The following RTN4 variants were observed in gnomAD, a reference collection of about 807,000 sequenced individuals.
The protein encoded by RTN4 is reticulon 4.
A neutral mutation model predicts 90.4 loss-of-function variants in RTN4; 32 were observed. The ratio of observed to expected loss-of-function variants is 0.35; its 90% CI spans 0.27 to 0.48. The LOEUF (loss-of-function observed/expected upper bound fraction) is 0.48, where lower values mean the gene tolerates loss of function less well. Ranked by LOEUF, RTN4 falls within the 20% of genes least tolerant of loss-of-function variation. RTN4 has a pLI of 0.99. For synonymous variants in RTN4, 629 were observed against 552.5 expected, an observed-to-expected ratio of 1.14 and a Z score of -1.94; for missense variants, 1,706 against 1,430.2, an observed-to-expected ratio of 1.19 and a Z score of -3.11.
intron 1 of RTN4, among the ~76,000 whole-genome samples, chr2:55,102,745 T>C (rs1392964312): frequency 6.6e-6 from 1 of 152,150 alleles, no homozygotes; most frequent in Non-Finnish European, 1.5e-5. Flanking sequence ...CAAAACTCTA[T>C]AGATTTTCTA....
Position 55,050,353 on chromosome 2 carries a change from G to A in RTN4, c.-53C>T, listed in dbSNP as rs1668038220. 1.6e-6 allele frequency: 2 copies of A among 1,238,756 alleles called. No homozygotes were observed. Among genetic ancestry groups the A allele is most frequent in the African/African-American group, 1.6e-5 (1 of 64,172 alleles). 76.7% of individuals were successfully genotyped at this position (1,238,756 alleles called of 1,614,324 possible). ...CTGCTGCCGCCGCCGCCGGGGCCGC[G>A]TCTCAGAGCCGCGGGCGGTTGTGGG... On this transcript the variant is annotated 5_prime_UTR_variant, in exon 1 of 9. The change creates a new upstream start codon in the 5' untranslated region. Transcript: ENST00000337526. The surrounding 1 kb of genome is among the most constrained non-coding windows in gnomAD (Gnocchi z 4.6).
chr2:55,109,707 C>G (rs1489410895), intron 1 of RTN4, among the ~76,000 whole-genome samples: 2 of 152,084 alleles, frequency 1.3e-5, no homozygotes, highest in African/African-American at 4.8e-5. Context: ...AGGGGTTTGT[C>G]CAAGAAAAAG....
At chr2:54,995,621 G>A (rs1679361724) in intron 3 of RTN4, among the ~76,000 whole-genome samples, 1 of 151,656 alleles carries the variant, frequency 6.6e-6, no homozygotes, top group Non-Finnish European at 1.5e-5. Context: ...TCCAGTTCTG[G>A]GTCACGGGTG....
At chr2:54,995,476 G>A (rs886306536) in intron 3 of RTN4, among the ~76,000 whole-genome samples, 10 of 151,952 alleles carry the variant, frequency 6.6e-5, no homozygotes, top group African/African-American at 2.4e-4. Flanking sequence ...AAATATGGAG[G>A]GATCTCTAAG....
At chr2:55,078,180 A>T (rs1164646060) in intron 2 of RTN4, among the ~76,000 whole-genome samples, 1 of 150,814 alleles carries the variant, frequency 6.6e-6, no homozygotes, top group Non-Finnish European at 1.5e-5. Flanking sequence ...CTATTGAAAT[A>T]AAAAAAAAAT....
intron 3 of RTN4, among the ~76,000 whole-genome samples, chr2:54,993,877 A>C (rs148875599): frequency 3.3e-5 from 5 of 152,326 alleles, no homozygotes; most frequent in Admixed American, 6.5e-5. Flanking sequence ...ACTGCCACCA[A>C]CCCCACTGTG....
At chr2:55,069,306 T>C (rs1386644412) in intron 2 of RTN4, among the ~76,000 whole-genome samples, 1 of 152,220 alleles carries the variant, frequency 6.6e-6, no homozygotes, top group Non-Finnish European at 1.5e-5. Context: ...AAAGTAATGC[T>C]TCTCATCCAT....
At chr2:54,987,052 G>T (rs1391351994) in intron 4 of RTN4, among the ~76,000 whole-genome samples, 1 of 151,958 alleles carries the variant, frequency 6.6e-6, no homozygotes, top group African/African-American at 2.4e-5. Context: ...CTTAAGAAAC[G>T]AGAAGAAACT....
intron 4 of RTN4, among the ~76,000 whole-genome samples, chr2:54,984,198 C>G (rs1678369839): frequency 6.6e-6 from 1 of 152,144 alleles, no homozygotes; most frequent in African/African-American, 2.4e-5. Flanking sequence ...CTCTCTCACT[C>G]CTGTATAATT....
chr2:55,025,538 C>G lies in RTN4; in HGVS notation c.2561G>C (p.Arg854Thr), dbSNP rs145018115. 4.1e-5 allele frequency: 66 copies of G among 1,613,704 alleles called. No homozygotes were observed. The African/African-American group carries it at 5.3e-4, about 13-fold the overall frequency. The change falls in exon 3 of 9, where the codon AGA (arginine) becomes ACA (threonine). Residue 854 changes from arginine to threonine, a missense_variant. Arg to Thr is a moderately conservative substitution (Grantham distance 71). Coordinates refer to ENST00000337526, the MANE Select transcript of RTN4 (RefSeq NM_020532.5). ...DLFISKEAQI[R>T]ETETFSDSSP... The stretch of plus-strand genomic sequence containing the variant: ...TGAATCTGAAAACGTTTCAGTTTCT[C>G]TTATCTGTGCTTCCTTAGAAATAAA...
chr2:55,096,562 C>T (rs1196665899), intron 1 of RTN4, among the ~76,000 whole-genome samples: 1 of 152,224 alleles, frequency 6.6e-6, no homozygotes, highest in South Asian at 2.1e-4. Context: ...CAGCATCCTG[C>T]ACCACGTTAT....
chr2:55,024,754 C>A (rs1573409293), intron 3 of RTN4, among the ~76,000 whole-genome samples: 1 of 151,976 alleles, frequency 6.6e-6, no homozygotes, highest in South Asian at 2.1e-4. Context: ...TTTAATATCT[C>A]TTGCTCTTCA....
chr2:55,110,331 A>C (rs962638961), intron 1 of RTN4, among the ~76,000 whole-genome samples: 2 of 142,660 alleles, frequency 1.4e-5, no homozygotes, highest in African/African-American at 5.3e-5. Flanking sequence ...AAAAAAAAAA[A>C]TTCTGGAATC....
chr2:55,034,294 G>A (rs1682529388), intron 1 of RTN4, among the ~76,000 whole-genome samples: 2 of 151,860 alleles, frequency 1.3e-5, no homozygotes, highest in African/African-American at 4.8e-5. Context: ...TGAGCCCTGG[G>A]GTACGAGACC....
At chr2:55,011,344 A>C (rs1415646454) in intron 3 of RTN4, among the ~76,000 whole-genome samples, 1 of 152,144 alleles carries the variant, frequency 6.6e-6, no homozygotes, top group Non-Finnish European at 1.5e-5. Context: ...TTACTGAAAA[A>C]TATAAAAACA....
At position 54,973,546 on chromosome 2, in the gene RTN4, A is replaced by AGATT; in HGVS notation, c.3536+13_3536+16dup. 5 of 1,577,898 alleles carry AGATT rather than the reference A, an allele frequency of 3.2e-6. No individual in the cohort carries two copies. The Middle Eastern group carries it at 5.0e-4, about 158-fold the overall frequency. ...CACCTTATCCTAGTAAAAACACTGC[A>AGATT]GATTTTAAATACTTACTTAGCCATA... On this transcript the variant is annotated intron_variant, in intron 8 of 8. Coordinates refer to ENST00000337526, the MANE Select transcript of RTN4 (RefSeq NM_020532.5).
At chr2:55,003,856 C>T (rs1203008751) in intron 3 of RTN4, among the ~76,000 whole-genome samples, 1 of 152,032 alleles carries the variant, frequency 6.6e-6, no homozygotes, top group African/African-American at 2.4e-5. Context: ...GAAAATACTG[C>T]ACCATTTTAT....
intron 3 of RTN4, among the ~76,000 whole-genome samples, chr2:55,015,573 C>G (rs1680971319): frequency 6.6e-6 from 1 of 151,968 alleles, no homozygotes; most frequent in African/African-American, 2.4e-5. Flanking sequence ...TATGAACAAG[C>G]AAAAATCACA....
chr2:55,052,387 A>C (rs530581990), upstream of RTN4, among the ~76,000 whole-genome samples: 3 of 152,332 alleles, frequency 2.0e-5, no homozygotes, highest in Non-Finnish European at 4.4e-5. Flanking sequence ...TAAGAAATAA[A>C]GTTTATGAAC....
Sources: allele counts gnomAD v4.1 joint callset (sites outside exome capture counted in the v4.1 genomes callset), GRCh38; gene constraint gnomAD v4.1.1; non-coding constraint Gnocchi (gnomAD v3.1); transcripts MANE v1.5; gene names NCBI Gene and HGNC (gene_info 2026-07-23, HGNC 2026-07-21).